ACVR2A: variants seen among roughly 807,000 people sequenced by gnomAD.
ACVR2A encodes the protein activin A receptor type 2A, also known as activin receptor type-2A.
ACVR2A carries 7 observed loss-of-function variants against 61.4 expected under a neutral mutation model. The observed-to-expected ratio is 0.11, with a 90% confidence interval of 0.06 to 0.21. ACVR2A has a LOEUF of 0.21. ACVR2A is among the 10% of genes least tolerant of loss of function. The pLI, the probability that ACVR2A is intolerant of heterozygous loss-of-function variation, is 1.00. For synonymous variants in ACVR2A, 193 were observed against 208.3 expected, an observed-to-expected ratio of 0.93 and a Z score of 0.63; for missense variants, 322 against 621.7, an observed-to-expected ratio of 0.52 and a Z score of 5.13.
At chr2:147,900,435 G>T (rs1291302393) in intron 4 of ACVR2A, 1 of 152,346 alleles carries the variant, frequency 6.6e-6, no homozygotes, top group African/African-American at 2.4e-5. Context: ...CTTACCATAT[G>T]TTGTTGGTAG....
At position 147,928,694 on chromosome 2, in the gene ACVR2A, T is replaced by G. The variant is rs1687568383; in HGVS notation, c.*1420T>G. 1 of 152,418 alleles carries G rather than the reference T, an allele frequency of 6.6e-6. No individual in the cohort carries two copies. The highest frequency in any genetic ancestry group is 2.1e-4 in the South Asian group (1 of 4,832). 9.4% of individuals were successfully genotyped at this position (152,418 alleles called of 1,614,324 possible). The stretch of plus-strand genomic sequence containing the variant: ...ACTGATACTAATTTAGGATAGTTCA[T>G]GCCTTATCCTTGCTAAGAAAATGGA... On this transcript the variant is annotated 3_prime_UTR_variant, in exon 11 of 11. Transcript: ENST00000241416.
intron 1 of ACVR2A, among the ~76,000 whole-genome samples, chr2:147,846,147 C>A (rs1369478241): frequency 6.6e-6 from 1 of 152,032 alleles, no homozygotes; most frequent in Non-Finnish European, 1.5e-5. Flanking sequence ...CAGCATCTAG[C>A]TGAAAGGTGT....
intron 1 of ACVR2A, among the ~76,000 whole-genome samples, chr2:147,853,001 A>G (rs1165300537): frequency 6.6e-6 from 1 of 152,140 alleles, no homozygotes; most frequent in Non-Finnish European, 1.5e-5. Context: ...GTAAGAGTGG[A>G]TGATACATAT....
At chr2:147,866,581 T>C (rs1405701506) in intron 1 of ACVR2A, among the ~76,000 whole-genome samples, 1 of 152,142 alleles carries the variant, frequency 6.6e-6, no homozygotes, top group Non-Finnish European at 1.5e-5. Context: ...ACTGAGATCT[T>C]AAGGCATATA....
intron 1 of ACVR2A, among the ~76,000 whole-genome samples, chr2:147,852,837 A>G (rs1330680975): frequency 6.6e-6 from 1 of 152,124 alleles, no homozygotes; most frequent in Non-Finnish European, 1.5e-5. Flanking sequence ...AGTAAACTTG[A>G]CCATGGATGA....
intron 1 of ACVR2A, among the ~76,000 whole-genome samples, chr2:147,870,052 G>A (rs1023542204): frequency 4.0e-5 from 6 of 150,062 alleles, no homozygotes; most frequent in South Asian, 2.2e-4. Flanking sequence ...ATAGGTGGGT[G>A]TAGGGGTATA....
intron 4 of ACVR2A, among the ~76,000 whole-genome samples, chr2:147,913,817 G>C (rs887099053): frequency 2.0e-5 from 1 of 49,608 alleles, no homozygotes; most frequent in African/African-American, 7.8e-5. Flanking sequence ...CAAGCAACTT[G>C]TAGACAAAAA....
chr2:147,926,217 A>C (rs757687417), intron 10 of ACVR2A, 56 bp downstream of exon 10: 83 of 1,570,770 alleles, frequency 5.3e-5, no homozygotes, highest in Non-Finnish European at 6.9e-5. Flanking sequence ...TTTTCAGAGG[A>C]ATTATTTATC....
chr2:147,915,241 G>A lies in ACVR2A; in HGVS notation c.579G>A (p.Gln193=). 6.2e-7 allele frequency: 1 copy of A among 1,612,376 alleles called. No individual in the cohort carries two copies. Residue 193 remains glutamine (Q), a synonymous_variant, in exon 5 of 11, where the codon CAG becomes CAA. Transcript: ENST00000241416. ...PSPLLGLKPL[Q]LLEVKARGRF... Reference sequence around the variant, plus strand: ...CATTACTAGGTTTGAAACCACTGCAGTTATTAGAAGTGAAAGCAAGGGGAA... The same window carrying A: ...CATTACTAGGTTTGAAACCACTGCAATTATTAGAAGTGAAAGCAAGGGGAA...
At chr2:147,909,794 C>T (rs544376473) in intron 4 of ACVR2A, among the ~76,000 whole-genome samples, 14 of 152,150 alleles carry the variant, frequency 9.2e-5, no homozygotes, top group South Asian at 8.3e-4. Flanking sequence ...TATGCAACCA[C>T]GCCCAGCTAA....
chr2:147,902,402 G>C (rs1198011541), intron 4 of ACVR2A, among the ~76,000 whole-genome samples: 1 of 151,754 alleles, frequency 6.6e-6, no homozygotes, highest in Non-Finnish European at 1.5e-5. Context: ...CATGCCTTTT[G>C]TTTCATATAA....
intron 1 of ACVR2A, among the ~76,000 whole-genome samples, chr2:147,875,501 A>AG (rs1172712888): frequency 6.6e-6 from 1 of 152,192 alleles, no homozygotes; most frequent in East Asian, 1.9e-4. Flanking sequence ...AAATAAAAAA[A>AG]CTGCTTATTA....
At chr2:147,912,788 A>T (rs1205826212) in intron 4 of ACVR2A, among the ~76,000 whole-genome samples, 1 of 151,972 alleles carries the variant, frequency 6.6e-6, no homozygotes. Flanking sequence ...ATTATTTAAA[A>T]TTCCATTTTT....
intron 1 of ACVR2A, among the ~76,000 whole-genome samples, chr2:147,886,123 A>G (rs1487885859): frequency 6.6e-6 from 1 of 152,154 alleles, no homozygotes; most frequent in Non-Finnish European, 1.5e-5. Flanking sequence ...ACCTAAAATC[A>G]TTCTTTTGTA....
intron 4 of ACVR2A, among the ~76,000 whole-genome samples, chr2:147,912,760 C>CT (rs1687149383): frequency 6.6e-6 from 1 of 151,724 alleles, no homozygotes; most frequent in Non-Finnish European, 1.5e-5. Context: ...GAACCCAATC[C>CT]TTTGTGTATT....
intron 1 of ACVR2A, among the ~76,000 whole-genome samples, chr2:147,891,690 A>G (rs1686586516): frequency 6.6e-6 from 1 of 152,188 alleles, no homozygotes; most frequent in East Asian, 1.9e-4. Flanking sequence ...TGTATTGTCT[A>G]TGGATGCTTT....
intron 4 of ACVR2A, among the ~76,000 whole-genome samples, chr2:147,906,011 G>A (rs1351322043): frequency 1.3e-5 from 2 of 152,044 alleles, no homozygotes; most frequent in African/African-American, 4.8e-5. Context: ...ACAGGGTCTC[G>A]TCTGTCAGTT....
chr2:147,916,869 A>G (rs187575336), intron 5 of ACVR2A, among the ~76,000 whole-genome samples: 1 of 152,084 alleles, frequency 6.6e-6, no homozygotes, highest in Admixed American at 6.6e-5. Flanking sequence ...TTTGAAAAGA[A>G]GAAGTTTTCT....
At chr2:147,857,339 A>G (rs1432641480) in intron 1 of ACVR2A, among the ~76,000 whole-genome samples, 1 of 152,080 alleles carries the variant, frequency 6.6e-6, no homozygotes, top group Non-Finnish European at 1.5e-5. Flanking sequence ...TTTTGTAATT[A>G]ATATCTAGCC....
Sources: gnomAD v4.1 joint callset for allele counts (sites outside exome capture counted in the v4.1 genomes callset) on GRCh38, gnomAD v4.1.1 for gene constraint, MANE v1.5 for transcripts, NCBI Gene and HGNC (gene_info 2026-07-23, HGNC 2026-07-21) for gene names.